CCDC197: variants seen among roughly 807,000 people sequenced by gnomAD.
The protein encoded by CCDC197 is coiled-coil domain containing 197.
In CCDC197, 24 loss-of-function variants were observed where a neutral mutation model predicts 13.4. That is an observed-to-expected ratio of 1.80 (90% CI 1.30 to 2.53). The LOEUF (loss-of-function observed/expected upper bound fraction) is 2.53, where lower values mean the gene tolerates loss of function less well. Among genes scored for constraint, CCDC197 ranks in the 30% most tolerant of loss-of-function variants. The pLI, the probability that CCDC197 is intolerant of heterozygous loss-of-function variation, is 0.00. For synonymous variants in CCDC197, 99 were observed against 55.5 expected (o/e 1.78, Z -3.48); for missense variants, 255 against 148.8 (o/e 1.71, Z -3.71).
chr14:93,995,659 G>T (rs1483517832), upstream of CCDC197, among the ~76,000 whole-genome samples: 3 of 152,176 alleles, frequency 2.0e-5, no homozygotes, highest in Non-Finnish European at 2.9e-5. Context: ...ACCCTCTCTT[G>T]ATTCTTGAGA....
At chr14:93,994,183 A>T (rs11844114), upstream of CCDC197, among the ~76,000 whole-genome samples, 64,827 of 152,048 alleles carry the variant, frequency 0.43, 14,062 homozygotes, top group Admixed American at 0.52. Context: ...GTATGCAGTT[A>T]TGCAGGATCT....
chr14:94,005,504 C>T (rs768410618), intron 6 of CCDC197, among the ~76,000 whole-genome samples: 22 of 152,130 alleles, frequency 1.4e-4, no homozygotes, highest in Admixed American at 1.3e-4. Flanking sequence ...CTTTCCTCAC[C>T]GCCCCCATCA....
chr14:93,994,651 C>G (rs1408189109), upstream of CCDC197, among the ~76,000 whole-genome samples: 1 of 152,230 alleles, frequency 6.6e-6, no homozygotes, highest in Non-Finnish European at 1.5e-5. Flanking sequence ...AATAGTGCCA[C>G]CATCCCCACT....
upstream of CCDC197, among the ~76,000 whole-genome samples, chr14:93,994,630 A>T (rs1890253313): frequency 6.6e-6 from 1 of 152,192 alleles, no homozygotes; most frequent in Non-Finnish European, 1.5e-5. Context: ...TGAAATTGTC[A>T]CTGGAAAACA....
Position 94,003,390 on chromosome 14 carries a change from G to T in CCDC197, c.498+36G>T. ...TCTTTCAGCCTGGGGGTGGGGTTAG[G>T]GGTGGGGAAGGGGAAGCTGATGTCT... On this transcript the variant is annotated intron_variant, in intron 5 of 6. Transcript: ENST00000636493. This position sits in a 1 kb window ranked among gnomAD's most constrained non-coding sequence, Gnocchi z 5.0. 7.2e-6 allele frequency: 5 copies of T among 698,624 alleles called. No homozygotes were observed. Among genetic ancestry groups the T allele is most frequent in the South Asian group, 4.5e-5 (3 of 66,994 alleles). The allele number at this position is 698,624 out of a possible 1,614,324, so 43.3% of individuals were successfully genotyped here.
At chr14:93,987,713 C>T (rs1380713515) in intron 1 of CCDC197, among the ~76,000 whole-genome samples, 1 of 152,160 alleles carries the variant, frequency 6.6e-6, no homozygotes, top group Non-Finnish European at 1.5e-5. Flanking sequence ...GCAGCAGCTT[C>T]CTAACGGGCG....
At chr14:94,007,510 G>A (rs1890716548) in intron 6 of CCDC197, 1 of 152,134 alleles carries the variant, frequency 6.6e-6, no homozygotes, top group African/African-American at 2.4e-5. Context: ...GTACCATACT[G>A]TCTTTATTAC....
At chr14:94,000,252 A>T (rs1237283287) in intron 3 of CCDC197, among the ~76,000 whole-genome samples, 2 of 152,140 alleles carry the variant, frequency 1.3e-5, no homozygotes, top group Non-Finnish European at 2.9e-5. Context: ...CTCTTTAGCA[A>T]ATCTTTTTTA....
chr14:93,987,719 G>C (rs774653258), intron 1 of CCDC197, among the ~76,000 whole-genome samples: 1 of 152,158 alleles, frequency 6.6e-6, no homozygotes, highest in Non-Finnish European at 1.5e-5. Context: ...GCTTCCTAAC[G>C]GGCGGGAGTG....
At chr14:93,997,233 G>C (rs1329690064), upstream of CCDC197, 3 of 152,256 alleles carry the variant, frequency 2.0e-5, no homozygotes, top group Non-Finnish European at 4.4e-5. Flanking sequence ...ACATCATAAG[G>C]ACAGAAGCCA....
At position 93,998,951 on chromosome 14, in the gene CCDC197, G is replaced by A. The variant is rs528624697; in HGVS notation, c.105-632G>A. Among the ~76,000 whole-genome samples, 9 of 152,342 alleles carry A rather than the reference G, an allele frequency of 5.9e-5. No individual in the cohort carries two copies. In the East Asian group the frequency reaches 1.4e-3, roughly 23 times the overall value. On this transcript the variant is annotated intron_variant, in intron 2 of 6. Transcript: ENST00000636493. ...GAGCTTGGCCAGCTGGCCAGGCCAA[G>A]CCCCACTCTGGTCTCTGCCCTTGAC... is the stretch of plus-strand genomic sequence containing the variant.
In CCDC197 at chr14:94,003,065, G is replaced by A. The variant is rs576039197; in HGVS notation, c.367-158G>A. 2.0e-5 allele frequency among the ~76,000 whole-genome samples: 3 copies of A among 152,090 alleles called. No individual in the cohort carries two copies. Among genetic ancestry groups the A allele is most frequent in the South Asian group, 2.1e-4 (1 of 4,818 alleles). ...AGGTAAACTCCATCAGCCTGGACAC[G>A]CCCTTTTCTGCATCTCTGGTGCCTT... On this transcript the variant is annotated intron_variant, in intron 4 of 6. Coordinates refer to ENST00000636493, the MANE Select transcript of CCDC197 (RefSeq NM_001351596.2). This position sits in a 1 kb window ranked among gnomAD's most constrained non-coding sequence, Gnocchi z 5.0.
intron 1 of CCDC197, among the ~76,000 whole-genome samples, chr14:93,989,931 G>A (rs1453015324): frequency 6.6e-6 from 1 of 152,144 alleles, no homozygotes; most frequent in Non-Finnish European, 1.5e-5. Flanking sequence ...TTTCCTTTCT[G>A]ACTGCTGGTC....
intron 1 of CCDC197, among the ~76,000 whole-genome samples, chr14:93,990,376 C>T (rs1890187760): frequency 6.6e-6 from 1 of 152,160 alleles, no homozygotes; most frequent in South Asian, 2.1e-4. Context: ...TCCTACTTGA[C>T]CTCGTTAGCC....
chr14:94,005,071 C>G (rs746649154), intron 6 of CCDC197, 100 bp downstream of exon 6: 1 of 628,118 alleles, frequency 1.6e-6, no homozygotes, highest in Admixed American at 2.4e-5. Context: ...TTGTGTTTAG[C>G]CCCCCATCAG....
At position 94,005,309 on chromosome 14, in the gene CCDC197, CAT is replaced by C. The variant is rs754346714; in HGVS notation, c.615+339_615+340del. ...CATGTGTGCTTTCTGCACACCCACA[CAT>C]GAGACATACACAGACACACCTGCAA... On this transcript the variant is annotated intron_variant, in intron 6 of 6. Transcript: ENST00000636493. Among the ~76,000 whole-genome samples the C allele has an allele frequency of 1.1e-4, 17 of 152,332 alleles. No homozygotes were observed. The East Asian group carries it at 1.4e-3, about 12-fold the overall frequency.
At chr14:93,988,303 A>G (rs1402259328) in intron 1 of CCDC197, among the ~76,000 whole-genome samples, 22 of 48,792 alleles carry the variant, frequency 4.5e-4, no homozygotes, top group South Asian at 2.5e-3. Context: ...TGGGAGGAGG[A>G]AATGGGAGGA....
chr14:93,997,947 A>C, intron 1 of CCDC197, 52 bp from the exon 2 acceptor site: 1 of 600,456 alleles, frequency 1.7e-6, no homozygotes, highest in Non-Finnish European at 3.0e-6. Context: ...CTGCCAGATG[A>C]CCTTAAGCTG....
intron 1 of CCDC197, among the ~76,000 whole-genome samples, chr14:93,991,890 G>A (rs910519384): frequency 7.9e-5 from 12 of 152,220 alleles, no homozygotes; most frequent in African/African-American, 2.9e-4. Context: ...AGAGGAATAG[G>A]CAAGGAGGAG....
Sources: gnomAD v4.1 joint callset for allele counts (sites outside exome capture counted in the v4.1 genomes callset) on GRCh38, gnomAD v4.1.1 for gene constraint, Gnocchi (gnomAD v3.1) non-coding constraint, MANE v1.5 for transcripts, NCBI Gene and HGNC (gene_info 2026-07-23, HGNC 2026-07-21) for gene names.